Variants in NAGA observed in about 807,000 individuals in gnomAD.
The protein encoded by NAGA is alpha-N-acetylgalactosaminidase.
A neutral mutation model predicts 45.6 loss-of-function variants in NAGA; 42 were observed. The observed-to-expected ratio is 0.92, with a 90% CI of 0.72 to 1.19. The LOEUF (loss-of-function observed/expected upper bound fraction) is 1.19, where lower values mean the gene tolerates loss of function less well. Among genes scored for constraint, NAGA ranks in the 50% most tolerant of loss-of-function variants. The pLI is 0.00. For missense variants in NAGA, 493 were observed against 544.8 expected (o/e 0.90, Z 0.95); for synonymous variants, 176 against 203.1 (o/e 0.87, Z 1.13).
Position 42,060,230 on chromosome 22 carries a change from T to C in NAGA, c.*49A>G, listed in dbSNP as rs571515186. 1 of 1,609,696 alleles carries C rather than the reference T, an allele frequency of 6.2e-7. No homozygotes were observed. The highest frequency in any genetic ancestry group is 2.2e-5 in the East Asian group (1 of 44,858). On this transcript the variant is annotated 3_prime_UTR_variant, in exon 9 of 9. Coordinates refer to ENST00000396398, the MANE Select transcript of NAGA (RefSeq NM_000262.3). ...TTGCCCTGGGCATGCCAAGGCTCCA[T>C]GGTCTAGGCTCAGTGGTGCCACCAC...
At chr22:42,062,800 CCCTT>C in intron 7 of NAGA, 23 bp downstream of exon 7, 1 of 1,610,712 alleles carries the variant, frequency 6.2e-7, no homozygotes, top group Non-Finnish European at 8.5e-7. Context: ...CTCAGCCCTC[CCCTT>C]CCTTCCCTCC....
Position 42,060,050 on chromosome 22 carries a change from A to C in NAGA, c.*229T>G. On this transcript the variant is annotated 3_prime_UTR_variant, in exon 9 of 9. Transcript: ENST00000396398. ...ACGTCTGTGGGGCTGCGCACATGGA[A>C]GTAGAGGCCAGGAAGGCCACAGGAA... The C allele has an allele frequency of 1.8e-6, 1 of 558,666 alleles. No individual in the cohort carries two copies. The highest frequency in any genetic ancestry group is 3.2e-6 in the Non-Finnish European group (1 of 309,642). 34.6% of individuals were successfully genotyped at this position (558,666 alleles called of 1,614,324 possible).
intron 7 of NAGA, among the ~76,000 whole-genome samples, chr22:42,062,098 GA>G (rs1299581189): frequency 2.0e-5 from 3 of 152,112 alleles, no homozygotes; most frequent in Non-Finnish European, 4.4e-5. Flanking sequence ...ACCTTGCTGA[GA>G]AAAATTATCT....
At position 42,070,134 on chromosome 22, in the gene NAGA, G is replaced by A; in HGVS notation, c.16+148C>T. On this transcript the variant is annotated intron_variant, in intron 1 of 8. Coordinates refer to ENST00000396398, the MANE Select transcript of NAGA (RefSeq NM_000262.3). ...TTGAAGGAGAAATGATTCCCGTATGGGGAAGCATCTCCTCCCTTCCTGCCC... is the reference window on the plus strand; with the variant it reads ...TTGAAGGAGAAATGATTCCCGTATGAGGAAGCATCTCCTCCCTTCCTGCCC... 3.2e-6 allele frequency: 3 copies of A among 936,494 alleles called. No homozygotes were observed. In the South Asian group the frequency reaches 3.9e-5, roughly 12 times the overall value. 58.0% of individuals were successfully genotyped at this position (936,494 alleles called of 1,614,324 possible). A position where few individuals can be genotyped will look rare whatever the true frequency, so the allele number is the denominator to read the frequency against.
intron 2 of NAGA, 111 bp downstream of exon 2, chr22:42,068,328 G>T: frequency 6.5e-7 from 1 of 1,546,924 alleles, no homozygotes; most frequent in Non-Finnish European, 8.9e-7. Flanking sequence ...TGCAGTCTCT[G>T]GGATGGAGAA....
chr22:42,060,331 A>G lies in NAGA; in HGVS notation c.1184T>C (p.Val395Ala), dbSNP rs1195720733. ...GATGGGATACAGGTACCACATCACTACCCCTGAAGGGTTGATGATCACTGT... is the reference window on the plus strand; with the variant it reads ...GATGGGATACAGGTACCACATCACTGCCCCTGAAGGGTTGATGATCACTGT... ...NFTVIINPSG[V>A]VMWYLYPIKN... The change falls in exon 9 of 9, where the codon GTA becomes GCA. Residue 395 changes from valine to alanine, a missense_variant. By Grantham distance (64) the Val-to-Ala change is moderately conservative (BLOSUM62 0). Coordinates refer to ENST00000396398, the MANE Select transcript of NAGA (RefSeq NM_000262.3). 1 of 1,611,262 alleles carries G rather than the reference A, an allele frequency of 6.2e-7. No homozygotes were observed. The highest frequency in any genetic ancestry group is 2.2e-5 in the East Asian group (1 of 44,798).
intron 5 of NAGA, 88 bp from the exon 6 acceptor site, chr22:42,065,987 G>A (rs1926706150): frequency 6.7e-7 from 1 of 1,491,774 alleles, no homozygotes; most frequent in East Asian, 2.4e-5. Context: ...GGCTCAGCAG[G>A]AGAGACAGAG....
intron 3 of NAGA, 141 bp from the exon 4 acceptor site, chr22:42,067,431 GC>G: frequency 9.7e-7 from 1 of 1,026,040 alleles, no homozygotes; most frequent in Non-Finnish European, 1.5e-6. Flanking sequence ...CCCGGCCTCT[GC>G]CCATGATGGC....
chr22:42,066,731 A>C lies in NAGA; in HGVS notation c.576T>G (p.Tyr192Ter). 1.9e-6 allele frequency: 3 copies of C among 1,604,204 alleles called. No homozygotes were observed. Among genetic ancestry groups the C allele is most frequent in the Non-Finnish European group, 2.6e-6 (3 of 1,175,774 alleles). ...PIAFSCSWPAYEGGLPPRVNY... is the reference protein window; with the variant it reads ...PIAFSCSWPA Reference sequence around the variant, plus strand: ...TTACCCTTGGGGGGAGGCCGCCTTCATAGGCTGGCCAGCTGCAGGAGAAGG... The same window carrying C: ...TTACCCTTGGGGGGAGGCCGCCTTCCTAGGCTGGCCAGCTGCAGGAGAAGG... Residue 192 changes from tyrosine (Y) to a stop codon, truncating the protein, a stop_gained, in exon 5 of 9, where the codon TAT becomes TAG. Transcript: ENST00000396398. LOFTEE classifies it high-confidence loss of function.
Position 42,070,264 on chromosome 22 carries a change from C to T in NAGA, c.16+18G>A, listed in dbSNP as rs778886432. 18 of 1,614,216 alleles carry T rather than the reference C, an allele frequency of 1.1e-5. No homozygotes were observed. The South Asian group carries it at 2.0e-4, about 18-fold the overall frequency. The stretch of plus-strand genomic sequence containing the variant: ...ACTCACCCCTACCCTTCCAAGCCAC[C>T]CCAGCCGGTGTAGGTACCTGTCTTC... On this transcript the variant is annotated intron_variant, in intron 1 of 8. Coordinates refer to ENST00000396398, the MANE Select transcript of NAGA (RefSeq NM_000262.3).
intron 3 of NAGA, among the ~76,000 whole-genome samples, chr22:42,067,535 T>G (rs1445012453): frequency 6.6e-6 from 1 of 152,240 alleles, no homozygotes; most frequent in Non-Finnish European, 1.5e-5. Flanking sequence ...GCCATCTCTC[T>G]GGGCTCAGCT....
chr22:42,068,820 G>GCTGGAATTAGCAAAACTAACAC lies in NAGA; in HGVS notation c.17-268_17-247dup, dbSNP rs140490511. ...GAGGTCTGGCCGTCACCACAGCATTGCTGGAATTAGCAAAACTAACACCTT... is the reference window on the plus strand; with the variant it reads ...GAGGTCTGGCCGTCACCACAGCATTGCTGGAATTAGCAAAACTAACACCTGGAATTAGCAAAACTAACACCTT... On this transcript the variant is annotated intron_variant, in intron 1 of 8. Transcript: ENST00000396398. Among the ~76,000 whole-genome samples the GCTGGAATTAGCAAAACTAACAC allele has an allele frequency of 0.73, 109,364 of 150,676 alleles. 40,345 individuals are homozygous for GCTGGAATTAGCAAAACTAACAC. Among genetic ancestry groups the GCTGGAATTAGCAAAACTAACAC allele is most frequent in the African/African-American group, 0.86 (35,053 of 40,860 alleles).
intron 6 of NAGA, among the ~76,000 whole-genome samples, chr22:42,063,494 GTAA>G (rs886236033): frequency 2.6e-5 from 4 of 152,194 alleles, no homozygotes; most frequent in South Asian, 2.1e-4. Flanking sequence ...AAAAAAAAAA[GTAA>G]TAATAATAAC....
chr22:42,059,957 C>G lies in NAGA; in HGVS notation c.*322G>C. The stretch of plus-strand genomic sequence containing the variant: ...AACTTCCAAATCCTGATTTCAGAGT[C>G]AACAGCAAGGTCAGAGGCTAGAGTC... On this transcript the variant is annotated 3_prime_UTR_variant, in exon 9 of 9. Coordinates refer to ENST00000396398, the MANE Select transcript of NAGA (RefSeq NM_000262.3). 1 of 379,326 alleles carries G rather than the reference C, an allele frequency of 2.6e-6. No homozygotes were observed. Among genetic ancestry groups the G allele is most frequent in the South Asian group, 2.4e-5 (1 of 41,516 alleles). The allele number at this position is 379,326 out of a possible 1,614,324, so 23.5% of individuals were successfully genotyped here.
At position 42,068,088 on chromosome 22, in the gene NAGA, G is replaced by A. The variant is rs1602497805; in HGVS notation, c.153-152C>T. 11 of 827,368 alleles carry A rather than the reference G, an allele frequency of 1.3e-5. No homozygotes were observed. The East Asian group carries it at 2.5e-4, about 19-fold the overall frequency. 51.3% of individuals were successfully genotyped at this position (827,368 alleles called of 1,614,324 possible). A position where few individuals can be genotyped will look rare whatever the true frequency, so the allele number is the denominator to read the frequency against. The stretch of plus-strand genomic sequence containing the variant: ...AGTGTAAATGACCACCAGAGATTGT[G>A]CGATGAGCCATAAGCAAGCTGGCTT... On this transcript the variant is annotated intron_variant, in intron 2 of 8. Transcript: ENST00000396398.
intron 4 of NAGA, 27 bp downstream of exon 4, chr22:42,067,086 C>T (rs1402397551): frequency 4.3e-6 from 7 of 1,612,680 alleles, no homozygotes; most frequent in South Asian, 1.1e-5. Context: ...CGTTTGCCTA[C>T]GTGCCCCAGC....
At chr22:42,062,393 C>T (rs1489522652) in intron 7 of NAGA, among the ~76,000 whole-genome samples, 1 of 151,952 alleles carries the variant, frequency 6.6e-6, no homozygotes, top group African/African-American at 2.4e-5. Flanking sequence ...TTGAACCTGG[C>T]AGGTAGAGAT....
At position 42,066,712 on chromosome 22, in the gene NAGA, T is replaced by C. The variant is rs371198022; in HGVS notation, c.595A>G (p.Arg199Gly). 1.9e-6 allele frequency: 3 copies of C among 1,597,114 alleles called. No homozygotes were observed. The change falls in exon 5 of 9, where the codon AGG (arginine) becomes GGG (glycine). Residue 199 changes from arginine (R) to glycine (G), a missense_variant and splice_region_variant. Transcript: ENST00000396398. ...WPAYEGGLPPRVNYSLLADIC... is the reference protein window; with the variant it reads ...WPAYEGGLPPGVNYSLLADIC... ...AGGCAGGGGGCAGAATGGCTTACCC[T>C]TGGGGGGAGGCCGCCTTCATAGGCT...
intron 4 of NAGA, 146 bp from the exon 5 acceptor site, chr22:42,066,950 A>G (rs952217195): frequency 4.7e-5 from 65 of 1,373,774 alleles, no homozygotes; most frequent in Non-Finnish European, 6.3e-5. Flanking sequence ...AAATGCTTCC[A>G]GGGTGGGCTA....
Sources: gnomAD v4.1 joint callset for allele counts (sites outside exome capture counted in the v4.1 genomes callset) on GRCh38, gnomAD v4.1.1 for gene constraint, MANE v1.5 for transcripts, NCBI Gene and HGNC (gene_info 2026-07-23, HGNC 2026-07-21) for gene names.